The following SRPK2 variants were observed in gnomAD, a reference collection of about 807,000 sequenced individuals.
The protein encoded by SRPK2 is SFRS protein kinase 2.
In SRPK2, 21 loss-of-function variants were observed where a neutral mutation model predicts 90.8. The ratio of observed to expected loss-of-function variants is 0.23; its 90% CI spans 0.16 to 0.33. SRPK2 has a LOEUF of 0.33. SRPK2 is among the 10% of genes least tolerant of loss of function. The probability of loss-of-function intolerance (pLI) is 1.00; values close to 1 mark genes in which losing one functional copy is unlikely to be tolerated. For synonymous variants in SRPK2, 288 were observed against 311.1 expected, an observed-to-expected ratio of 0.93 and a Z score of 0.78; for missense variants, 620 against 869.0, an observed-to-expected ratio of 0.71 and a Z score of 3.60.
chr7:105,347,118 G>A (rs1404583148), intron 2 of SRPK2, among the ~76,000 whole-genome samples: 2 of 151,446 alleles, frequency 1.3e-5, no homozygotes, highest in Non-Finnish European at 2.9e-5. Context: ...AAGTGCAGTG[G>A]GCATGATCAT....
intron 2 of SRPK2, among the ~76,000 whole-genome samples, chr7:105,276,260 G>C (rs2130707605): frequency 6.6e-6 from 1 of 150,914 alleles, no homozygotes; most frequent in South Asian, 2.1e-4. Context: ...TTTTTTTTTG[G>C]TAGAGACAGG....
At chr7:105,350,921 C>A (rs1405397748) in intron 2 of SRPK2, among the ~76,000 whole-genome samples, 1 of 152,192 alleles carries the variant, frequency 6.6e-6, no homozygotes, top group Non-Finnish European at 1.5e-5. Context: ...CAACCCTATA[C>A]TACATTAAAG....
intron 2 of SRPK2, among the ~76,000 whole-genome samples, chr7:105,240,940 C>A (rs879845490): frequency 3.9e-5 from 6 of 152,142 alleles, no homozygotes; most frequent in Non-Finnish European, 5.9e-5. Context: ...ATTATTCTGA[C>A]TTCATTTGCC....
intron 13 of SRPK2, 121 bp downstream of exon 13, chr7:105,132,670 G>T: frequency 1.3e-6 from 1 of 746,428 alleles, no homozygotes; most frequent in Non-Finnish European, 2.1e-6. Context: ...CCCAGCCCAC[G>T]GTGGATGACC....
Position 105,145,259 on chromosome 7 carries a change from AAAGT to A in SRPK2, c.813+20_813+23del. Reference sequence around the variant, plus strand: ...CGGTCTCTTTTAACATGGTGCATATAAAGTAATATGCGTAAGTACTTACAGGTTT... The same window carrying A: ...CGGTCTCTTTTAACATGGTGCATATAAATATGCGTAAGTACTTACAGGTTT... On this transcript the variant is annotated intron_variant, in intron 9 of 15. Coordinates refer to ENST00000393651, the MANE Select transcript of SRPK2 (RefSeq NM_182692.3). 6.4e-7 allele frequency: 1 copy of A among 1,561,820 alleles called. No homozygotes were observed. The highest frequency in any genetic ancestry group is 2.3e-5 in the East Asian group (1 of 44,016).
rs1220619770 is a variant in SRPK2 at position 105,146,501 on chromosome 7, C to T, written c.779G>A (p.Gly260Glu). Reference sequence around the variant, plus strand: ...TGGCTCAGCTCCCTCACCTGCAGACCCTGAAGGAGGAGGAGCACCTGCTTT... The same window carrying T: ...TGGCTCAGCTCCCTCACCTGCAGACTCTGAAGGAGGAGGAGCACCTGCTTT... Reference protein sequence around the residue: ...WQKAGAPPPSGSAVSTAPQQK... With the variant: ...WQKAGAPPPSESAVSTAPQQK... The change falls in exon 8 of 16, where the codon GGG becomes GAG. Residue 260 changes from glycine to glutamate, a missense_variant. Transcript: ENST00000393651. 6.2e-7 allele frequency: 1 copy of T among 1,614,094 alleles called. No homozygotes were observed. Among genetic ancestry groups the T allele is most frequent in the South Asian group, 1.1e-5 (1 of 91,072 alleles).
intron 2 of SRPK2, among the ~76,000 whole-genome samples, chr7:105,286,974 G>A (rs1808185772): frequency 2.0e-5 from 3 of 151,618 alleles, no homozygotes; most frequent in Non-Finnish European, 4.4e-5. Flanking sequence ...ATTTGAAAAG[G>A]ATGCAGGCCG....
intron 1 of SRPK2, chr7:105,399,035 C>G (rs1822400942): frequency 2.0e-5 from 3 of 152,086 alleles, no homozygotes; most frequent in African/African-American, 7.2e-5. Flanking sequence ...TCTAAGCATT[C>G]AATAAATATT....
At chr7:105,133,959 A>G (rs1802411761) in intron 11 of SRPK2, among the ~76,000 whole-genome samples, 1 of 152,202 alleles carries the variant, frequency 6.6e-6, no homozygotes, top group Non-Finnish European at 1.5e-5. Context: ...GGGGCAAGTG[A>G]CAAACAAAAA....
chr7:105,264,229 T>C (rs1423494280), intron 2 of SRPK2, among the ~76,000 whole-genome samples: 1 of 152,196 alleles, frequency 6.6e-6, no homozygotes, highest in African/African-American at 2.4e-5. Flanking sequence ...CACTTTTGAA[T>C]TTTTTCCCTT....
chr7:105,372,464 C>T (rs1819814199), intron 2 of SRPK2, among the ~76,000 whole-genome samples: 1 of 152,090 alleles, frequency 6.6e-6, no homozygotes, highest in Non-Finnish European at 1.5e-5. Flanking sequence ...TTAGGGCTGC[C>T]TTATACTGAG....
upstream of SRPK2, chr7:105,389,260 G>T (rs1822062346): frequency 2.4e-6 from 3 of 1,256,786 alleles, no homozygotes; most frequent in Non-Finnish European, 3.1e-6. Context: ...CGGTCGCGCC[G>T]CCCGCTGCTC....
chr7:105,157,639 C>T (rs1490943545), intron 7 of SRPK2, among the ~76,000 whole-genome samples: 1 of 152,142 alleles, frequency 6.6e-6, no homozygotes, highest in Non-Finnish European at 1.5e-5. Context: ...ACCAAAATTC[C>T]ATTAACACTG....
At chr7:105,263,922 A>C (rs1804684386) in intron 2 of SRPK2, among the ~76,000 whole-genome samples, 1 of 152,260 alleles carries the variant, frequency 6.6e-6, no homozygotes, top group African/African-American at 2.4e-5. Context: ...CATCTCATTA[A>C]GGAACAAGTA....
intron 9 of SRPK2, among the ~76,000 whole-genome samples, chr7:105,144,521 G>A (rs1004948783): frequency 3.9e-5 from 6 of 152,008 alleles, no homozygotes; most frequent in Admixed American, 6.6e-5. Context: ...GATTACAGGC[G>A]TGAGTCACCA....
At chr7:105,167,893 G>C in intron 5 of SRPK2, 115 bp downstream of exon 5, 1 of 832,958 alleles carries the variant, frequency 1.2e-6, no homozygotes, top group East Asian at 2.7e-5. Context: ...TTATAGGCAT[G>C]AGCCACCGTG....
At chr7:105,197,206 T>C (rs1364806530) in intron 3 of SRPK2, among the ~76,000 whole-genome samples, 1 of 152,132 alleles carries the variant, frequency 6.6e-6, no homozygotes, top group Non-Finnish European at 1.5e-5. Flanking sequence ...TTTTCACAGA[T>C]GGAAAATAGA....
At chr7:105,353,188 G>A (rs1468055286) in intron 2 of SRPK2, among the ~76,000 whole-genome samples, 2 of 152,296 alleles carry the variant, frequency 1.3e-5, no homozygotes, top group African/African-American at 2.4e-5. Flanking sequence ...AGATAGCACA[G>A]TTGTAAGCTT....
intron 2 of SRPK2, chr7:105,297,381 C>T (rs751568708): frequency 2.5e-6 from 2 of 791,416 alleles, no homozygotes; most frequent in Non-Finnish European, 3.1e-6. Flanking sequence ...AGGTAGAATA[C>T]AGCTATCACG....
Sources: allele counts gnomAD v4.1 joint callset (sites outside exome capture counted in the v4.1 genomes callset), GRCh38; gene constraint gnomAD v4.1.1; transcripts MANE v1.5; gene names NCBI Gene and HGNC (gene_info 2026-07-23, HGNC 2026-07-21).